Variants in NOX3 observed in about 807,000 individuals in gnomAD.
NOX3 encodes the protein NADPH oxidase 3, also known as NADPH oxidase catalytic subunit-like 3.
In NOX3, 74 loss-of-function variants were observed where a neutral mutation model predicts 76.7. That is an observed-to-expected ratio of 0.96 (90% CI 0.80 to 1.17). The LOEUF is 1.17. NOX3 is among the 50% of genes most tolerant of loss of function. The pLI is 0.00. For missense variants in NOX3, 695 were observed against 703.3 expected, an observed-to-expected ratio of 0.99 and a Z score of 0.13; for synonymous variants, 263 against 261.1, an observed-to-expected ratio of 1.01 and a Z score of -0.07.
chr6:155,396,491 C>T (rs1413207057), intron 13 of NOX3, among the ~76,000 whole-genome samples: 1 of 152,164 alleles, frequency 6.6e-6, no homozygotes, highest in African/African-American at 2.4e-5. Context: ...AGCTCCAGCC[C>T]ACAGGCCAAA....
chr6:155,428,508 C>T (rs1054809661), intron 9 of NOX3, among the ~76,000 whole-genome samples: 31 of 151,942 alleles, frequency 2.0e-4, no homozygotes, highest in African/African-American at 7.3e-4. Context: ...ATAGAAGTAA[C>T]CAGGTGATGC....
intron 11 of NOX3, among the ~76,000 whole-genome samples, chr6:155,409,307 G>A (rs963949918): frequency 6.6e-6 from 1 of 152,132 alleles, no homozygotes; most frequent in African/African-American, 2.4e-5. Flanking sequence ...AGTGTGATGG[G>A]TGAACACGCA....
At chr6:155,395,768 G>C (rs1779130521) in intron 13 of NOX3, among the ~76,000 whole-genome samples, 194 bp from the exon 14 acceptor site, 2 of 152,082 alleles carry the variant, frequency 1.3e-5, no homozygotes, top group South Asian at 4.2e-4. Context: ...TAAAATAGCT[G>C]CATAGTATAG....
At position 155,454,902 on chromosome 6, in the gene NOX3, C is replaced by T. The variant is rs774030187; in HGVS notation, c.164G>A (p.Arg55Gln). 2.3e-5 allele frequency: 37 copies of T among 1,610,680 alleles called. No individual in the cohort carries two copies. The highest frequency in any genetic ancestry group is 3.3e-4 in the Middle Eastern group (2 of 6,074). The change falls in exon 3 of 14, where the codon CGA (arginine) becomes CAA (glutamine). Residue 55 changes from arginine to glutamine, a missense_variant. Physicochemically the swap from Arg to Gln is conservative, Grantham distance 43 (BLOSUM62 1). Coordinates refer to ENST00000159060, the MANE Select transcript of NOX3 (RefSeq NM_015718.3). Reference sequence around the variant, plus strand: ...AAAATTCAGGCACAGTGCGGATGCTCGTGCCCAAGCCAGTGTTGACTGTCC... The same window carrying T: ...AAAATTCAGGCACAGTGCGGATGCTTGTGCCCAAGCCAGTGTTGACTGTCC... ...VILGSTLAWA[R>Q]ASALCLNFNC...
At chr6:155,429,930 C>T (rs1028741954) in intron 8 of NOX3, among the ~76,000 whole-genome samples, 13 of 152,142 alleles carry the variant, frequency 8.5e-5, no homozygotes, top group African/African-American at 2.7e-4. Flanking sequence ...CGTAACAGCT[C>T]GAGTAGGTTT....
chr6:155,435,534 T>A (rs189858312), intron 7 of NOX3, among the ~76,000 whole-genome samples: 1,600 of 148,792 alleles, frequency 0.011, 91 homozygotes, highest in Admixed American at 0.094. Flanking sequence ...GTTTTTTTTT[T>A]AAACAACGCA....
intron 12 of NOX3, among the ~76,000 whole-genome samples, chr6:155,406,273 C>T (rs1249735136): frequency 1.3e-5 from 2 of 152,128 alleles, no homozygotes; most frequent in East Asian, 1.9e-4. Context: ...ATGAAAACAA[C>T]ACTGTGAATG....
chr6:155,453,569 C>A, intron 3 of NOX3, 81 bp from the exon 4 acceptor site: 2 of 1,099,438 alleles, frequency 1.8e-6, no homozygotes, highest in South Asian at 2.5e-5. Context: ...GAGTAGGAAT[C>A]AGGCTCTGCC....
intron 12 of NOX3, among the ~76,000 whole-genome samples, chr6:155,403,285 T>G (rs1779258882): frequency 6.6e-6 from 1 of 152,218 alleles, no homozygotes; most frequent in Non-Finnish European, 1.5e-5. Flanking sequence ...AAAAGCCTTT[T>G]GAAAGGGTGG....
At chr6:155,426,860 T>G (rs1225267862) in intron 9 of NOX3, among the ~76,000 whole-genome samples, 1 of 151,640 alleles carries the variant, frequency 6.6e-6, no homozygotes, top group Non-Finnish European at 1.5e-5. Context: ...AGGGGAAGGG[T>G]GGTTGATAGA....
chr6:155,411,409 G>A lies in NOX3; in HGVS notation c.1309-49C>T, dbSNP rs770387835. On this transcript the variant is annotated intron_variant, in intron 10 of 13. Coordinates refer to ENST00000159060, the MANE Select transcript of NOX3 (RefSeq NM_015718.3). ...ACGGATCTATTCTCTTTTCATATGT[G>A]CTGATAATCACAGACTACTTTATCT... is the stretch of plus-strand genomic sequence containing the variant. 2.9e-5 allele frequency: 45 copies of A among 1,540,210 alleles called. No homozygotes were observed. The African/African-American group carries it at 3.9e-4, about 13-fold the overall frequency.
chr6:155,446,388 T>C (rs1299165056), intron 4 of NOX3, among the ~76,000 whole-genome samples: 1 of 152,132 alleles, frequency 6.6e-6, no homozygotes, highest in Non-Finnish European at 1.5e-5. Flanking sequence ...AAAAAGCAGG[T>C]AGTACGTCTC....
chr6:155,423,177 G>T (rs1284477819), intron 9 of NOX3, among the ~76,000 whole-genome samples: 1 of 152,202 alleles, frequency 6.6e-6, no homozygotes, highest in Admixed American at 6.5e-5. Flanking sequence ...TTGGCTCCAA[G>T]TATCATTGAG....
At chr6:155,413,204 T>C (rs1432611968) in intron 10 of NOX3, among the ~76,000 whole-genome samples, 1 of 151,834 alleles carries the variant, frequency 6.6e-6, no homozygotes, top group Non-Finnish European at 1.5e-5. Context: ...CCTGGAAAAG[T>C]TGAGGGAGTC....
At chr6:155,400,076 T>C (rs1296864244) in intron 12 of NOX3, among the ~76,000 whole-genome samples, 1 of 152,132 alleles carries the variant, frequency 6.6e-6, no homozygotes, top group African/African-American at 2.4e-5. Context: ...TAAAGAAAAT[T>C]CTCCTTTCCC....
At chr6:155,401,086 A>G (rs1779219746) in intron 12 of NOX3, among the ~76,000 whole-genome samples, 1 of 152,222 alleles carries the variant, frequency 6.6e-6, no homozygotes, top group Admixed American at 6.5e-5. Context: ...ATGCATAAGT[A>G]ACCAAATATT....
chr6:155,455,172 G>A, intron 1 of NOX3, 43 bp from the exon 2 acceptor site: 1 of 1,288,966 alleles, frequency 7.8e-7, no homozygotes, highest in East Asian at 2.3e-5. Flanking sequence ...CTACCTTCAA[G>A]CTTTTTCTCT....
intron 12 of NOX3, among the ~76,000 whole-genome samples, chr6:155,399,943 C>T (rs769457491): frequency 4.6e-5 from 7 of 152,138 alleles, no homozygotes; most frequent in Non-Finnish European, 1.0e-4. Flanking sequence ...GGAGCTGGAT[C>T]GGGGACAATG....
At chr6:155,413,774 G>A (rs12527339) in intron 10 of NOX3, among the ~76,000 whole-genome samples, 4 of 151,798 alleles carry the variant, frequency 2.6e-5, no homozygotes, top group Non-Finnish European at 5.9e-5. Context: ...GTTGGCATTG[G>A]GCATAGAGCA....
Sources: allele counts gnomAD v4.1 joint callset (sites outside exome capture counted in the v4.1 genomes callset), GRCh38; gene constraint gnomAD v4.1.1; transcripts MANE v1.5; gene names NCBI Gene and HGNC (gene_info 2026-07-23, HGNC 2026-07-21).